SLC13A1: variants seen among roughly 807,000 people sequenced by gnomAD.
The protein encoded by SLC13A1 is Na(+)/sulfate cotransporter.
In SLC13A1, 65 loss-of-function variants were observed where a neutral mutation model predicts 70.0. The ratio of observed to expected loss-of-function variants is 0.93; its 90% CI spans 0.76 to 1.14. The LOEUF is 1.14. Ranked by LOEUF, SLC13A1 falls within the 50% of genes most tolerant of loss-of-function variation. The pLI is 0.00. For missense variants in SLC13A1, 726 were observed against 717.8 expected (o/e 1.01, Z -0.13); for synonymous variants, 275 against 250.5 (o/e 1.10, Z -0.92).
chr7:123,167,033 G>A (rs1795100049), intron 6 of SLC13A1, among the ~76,000 whole-genome samples: 1 of 152,012 alleles, frequency 6.6e-6, no homozygotes, highest in Admixed American at 6.5e-5. Context: ...TCATTAAAAA[G>A]TCAGGAAACA....
At chr7:123,135,990 A>G (rs1031356465) in intron 7 of SLC13A1, among the ~76,000 whole-genome samples, 3 of 152,228 alleles carry the variant, frequency 2.0e-5, no homozygotes, top group African/African-American at 4.8e-5. Context: ...GTTGTCTCCA[A>G]TTGGAAAATA....
At chr7:123,188,660 T>C (rs1365765457) in intron 1 of SLC13A1, among the ~76,000 whole-genome samples, 1 of 152,124 alleles carries the variant, frequency 6.6e-6, no homozygotes, top group East Asian at 1.9e-4. Flanking sequence ...AGATTCTTAA[T>C]ATTATTTCTC....
intron 6 of SLC13A1, among the ~76,000 whole-genome samples, chr7:123,160,275 A>C (rs1468068811): frequency 6.6e-6 from 1 of 151,844 alleles, no homozygotes; most frequent in Admixed American, 6.6e-5. Context: ...AGTCTCAAAA[A>C]AAAAAAAAAA....
chr7:123,164,757 C>A lies in SLC13A1; in HGVS notation c.660+3617G>T, dbSNP rs1795017520. On this transcript the variant is annotated intron_variant, in intron 6 of 14. Transcript: ENST00000194130. ...AGACCTCAAATTAACAACCTAACAT[C>A]ACAACTGAAAAAAATTAGAGAAGCA... Among the ~76,000 whole-genome samples, 3 of 151,546 alleles carry A rather than the reference C, an allele frequency of 2.0e-5. No homozygotes were observed. The South Asian group carries it at 6.2e-4, about 32-fold the overall frequency.
chr7:123,147,341 G>T lies in SLC13A1; in HGVS notation c.661-31C>A, dbSNP rs768540228. 2.6e-5 allele frequency: 42 copies of T among 1,608,144 alleles called. No individual in the cohort carries two copies. The Admixed American group carries it at 6.7e-4, about 26-fold the overall frequency. On this transcript the variant is annotated intron_variant, in intron 6 of 14. Coordinates refer to ENST00000194130, the MANE Select transcript of SLC13A1 (RefSeq NM_022444.4). ...CAACAACAACAAAAAACTACCATGA[G>T]AACTGCTCTATATTTGTTATGGACT...
chr7:123,190,991 G>A (rs144959265), intron 1 of SLC13A1, among the ~76,000 whole-genome samples: 13 of 151,734 alleles, frequency 8.6e-5, no homozygotes, highest in African/African-American at 1.7e-4. Context: ...TCTTCTGAGC[G>A]GATTTTGTCA....
intron 7 of SLC13A1, among the ~76,000 whole-genome samples, chr7:123,142,753 G>A (rs1290871840): frequency 6.7e-6 from 1 of 150,358 alleles, no homozygotes; most frequent in Non-Finnish European, 1.5e-5. Context: ...GAGTAGCTGG[G>A]ACTACAGATA....
chr7:123,123,080 T>C (rs28364216), intron 12 of SLC13A1, 46 bp downstream of exon 12: 2 of 1,364,466 alleles, frequency 1.5e-6, no homozygotes, highest in East Asian at 2.3e-5. Flanking sequence ...GCTCTTCTTT[T>C]GAACAGTCTG....
chr7:123,115,600 A>G lies in SLC13A1; in HGVS notation c.1706T>C (p.Ile569Thr), dbSNP rs149980854. Residue 569 changes from isoleucine to threonine, a missense_variant, in exon 15 of 15, where the codon ATA becomes ACA. Physicochemically the swap from Ile to Thr is moderately conservative, Grantham distance 89. Coordinates refer to ENST00000194130, the MANE Select transcript of SLC13A1 (RefSeq NM_022444.4). ...IVGVAVVMLG[I>T]CTWIVPMFDL... ...AAACATGGGTACAATCCAAGTACATATGCCAAGCATAACCACAGCAACACC... is the reference window on the plus strand; with the variant it reads ...AAACATGGGTACAATCCAAGTACATGTGCCAAGCATAACCACAGCAACACC... 68 of 1,613,870 alleles carry G rather than the reference A, an allele frequency of 4.2e-5. No homozygotes were observed. The highest frequency in any genetic ancestry group is 5.7e-5 in the Non-Finnish European group (67 of 1,179,862).
chr7:123,157,653 A>G (rs1337573695), intron 6 of SLC13A1, among the ~76,000 whole-genome samples: 1 of 152,102 alleles, frequency 6.6e-6, no homozygotes, highest in African/African-American at 2.4e-5. Context: ...AACAAAATAT[A>G]ATAACATAGC....
At chr7:123,175,959 A>AC (rs371068432) in intron 2 of SLC13A1, among the ~76,000 whole-genome samples, 117 of 152,268 alleles carry the variant, frequency 7.7e-4, no homozygotes, top group African/African-American at 2.6e-3. Flanking sequence ...AATATTCTAG[A>AC]CTTTTTTGGC....
intron 2 of SLC13A1, among the ~76,000 whole-genome samples, chr7:123,176,353 A>G (rs1795445992): frequency 6.6e-6 from 1 of 152,210 alleles, no homozygotes; most frequent in African/African-American, 2.4e-5. Flanking sequence ...TGTAAATTAC[A>G]CTGATAAATA....
At chr7:123,175,555 C>A (rs1795419106) in intron 2 of SLC13A1, among the ~76,000 whole-genome samples, 1 of 152,064 alleles carries the variant, frequency 6.6e-6, no homozygotes, top group South Asian at 2.1e-4. Flanking sequence ...AGAGAGCTCC[C>A]TTGCCCCTTC....
chr7:123,138,654 A>G (rs1441194243), intron 7 of SLC13A1, among the ~76,000 whole-genome samples: 2 of 152,054 alleles, frequency 1.3e-5, no homozygotes, highest in African/African-American at 4.8e-5. Context: ...TTTGATTTAC[A>G]TTTCTCTGAT....
intron 6 of SLC13A1, among the ~76,000 whole-genome samples, chr7:123,151,749 G>C (rs1794563440): frequency 6.6e-6 from 1 of 152,064 alleles, no homozygotes; most frequent in South Asian, 2.1e-4. Context: ...TCTTGCTTTA[G>C]AGCTCATACT....
chr7:123,124,737 G>C (rs1163317993), intron 11 of SLC13A1, among the ~76,000 whole-genome samples: 2 of 152,086 alleles, frequency 1.3e-5, no homozygotes, highest in Non-Finnish European at 2.9e-5. Context: ...AGGCAAATGT[G>C]CACACTTCTT....
chr7:123,155,158 G>A (rs1223166546), intron 6 of SLC13A1, among the ~76,000 whole-genome samples: 1 of 151,998 alleles, frequency 6.6e-6, no homozygotes, highest in Non-Finnish European at 1.5e-5. Context: ...GACATTTAGT[G>A]AGTCCTTTAA....
rs114407653 is a variant in SLC13A1 at position 123,178,941 on chromosome 7, A to G, written c.228+2032T>C. On this transcript the variant is annotated intron_variant, in intron 2 of 14. Transcript: ENST00000194130. ...GAATGTATAAATAATAACATTGGCT[A>G]ACATATATGGAGTACTTACTATGTA... 8.3e-3 allele frequency among the ~76,000 whole-genome samples: 1,270 copies of G among 152,220 alleles called. 19 individuals carry two copies. Among genetic ancestry groups the G allele is most frequent in the African/African-American group, 0.028 (1,180 of 41,554 alleles).
chr7:123,125,457 G>A (rs1433059607), intron 11 of SLC13A1, 112 bp downstream of exon 11: 10 of 726,358 alleles, frequency 1.4e-5, no homozygotes, highest in East Asian at 2.5e-5. Flanking sequence ...CTAGGCCAGG[G>A]ATTGTGCCAG....
Sources: allele counts gnomAD v4.1 joint callset (sites outside exome capture counted in the v4.1 genomes callset), GRCh38; gene constraint gnomAD v4.1.1; transcripts MANE v1.5; gene names NCBI Gene and HGNC (gene_info 2026-07-23, HGNC 2026-07-21).